The following CEMIP variants were observed in gnomAD, a reference collection of about 807,000 sequenced individuals.
CEMIP encodes cell migration-inducing and hyaluronan-binding protein.
Under a neutral mutation model 156.9 loss-of-function variants are expected in CEMIP, and 105 were observed. That is an observed-to-expected ratio of 0.67 (90% CI 0.57 to 0.79). CEMIP has a LOEUF of 0.79. Ranked by LOEUF, CEMIP falls within the 30% of genes least tolerant of loss-of-function variation. The pLI, the probability that CEMIP is intolerant of heterozygous loss-of-function variation, is 0.00. For missense variants in CEMIP, 1,457 were observed against 1,769.4 expected (o/e 0.82, Z 3.17); for synonymous variants, 676 against 668.4 (o/e 1.01, Z -0.17).
At chr15:80,909,467 A>C in intron 14 of CEMIP, 161 bp downstream of exon 14, 1 of 743,704 alleles carries the variant, frequency 1.3e-6, no homozygotes, top group Non-Finnish European at 2.4e-6. Flanking sequence ...TCACCAACCA[A>C]ACAGGAAGGA....
At chr15:80,905,840 A>T (rs1421189420) in intron 12 of CEMIP, among the ~76,000 whole-genome samples, 1 of 151,998 alleles carries the variant, frequency 6.6e-6, no homozygotes, top group Non-Finnish European at 1.5e-5. Context: ...AAGTCGGGAG[A>T]GCATCCTCTC....
At position 80,878,867 on chromosome 15, in the gene CEMIP, GGTAAGC is replaced by G; in HGVS notation, c.241+1_241+6del. Reference sequence around the variant, plus strand: ...CTATTCCATCCACATCTCAGAGGGAGGTAAGCCAATCTCTCTCTGCTGCTCCCTCTT... The same window carrying G: ...CTATTCCATCCACATCTCAGAGGGAGCAATCTCTCTCTGCTGCTCCCTCTT... On this transcript the variant is annotated splice_donor_variant and splice_donor_5th_base_variant and intron_variant, in intron 4 of 29. Transcript: ENST00000394685. LOFTEE classifies it high-confidence loss of function. The G allele has an allele frequency of 6.2e-7, 1 of 1,614,176 alleles. No homozygotes were observed. The highest frequency in any genetic ancestry group is 8.5e-7 in the Non-Finnish European group (1 of 1,180,026).
At chr15:80,884,467 AC>A in intron 7 of CEMIP, 113 bp downstream of exon 7, 1 of 1,095,114 alleles carries the variant, frequency 9.1e-7, no homozygotes, top group South Asian at 1.3e-5. Context: ...ATCCTAAATG[AC>A]CTAGTGGATG....
Position 80,793,746 on chromosome 15 carries a change from C to G in CEMIP, c.-176+14132C>G, listed in dbSNP as rs1255369092. Among the ~76,000 whole-genome samples the G allele has an allele frequency of 2.0e-5, 3 of 152,168 alleles. No individual in the cohort carries two copies. In the East Asian group the frequency reaches 5.8e-4, roughly 29 times the overall value. The stretch of plus-strand genomic sequence containing the variant: ...GAGAGGTGCATAGTGTATAGTATCT[C>G]CCAGACGTGTTGGTCTAGGGAATTC... On this transcript the variant is annotated intron_variant, in intron 1 of 29. Coordinates refer to ENST00000394685, the MANE Select transcript of CEMIP (RefSeq NM_001293298.2).
At chr15:80,930,831 T>C (rs1435486120) in intron 21 of CEMIP, among the ~76,000 whole-genome samples, 1 of 152,198 alleles carries the variant, frequency 6.6e-6, no homozygotes, top group Non-Finnish European at 1.5e-5. Flanking sequence ...TTTCCATCTT[T>C]CTATTTTTTC....
At chr15:80,866,139 A>C (rs1898119709) in intron 1 of CEMIP, among the ~76,000 whole-genome samples, 1 of 152,188 alleles carries the variant, frequency 6.6e-6, no homozygotes, top group African/African-American at 2.4e-5. Flanking sequence ...GCACAGCAGG[A>C]TCAAATGGGA....
chr15:80,934,823 C>T (rs1901055571), intron 23 of CEMIP, among the ~76,000 whole-genome samples: 1 of 152,122 alleles, frequency 6.6e-6, no homozygotes, highest in Non-Finnish European at 1.5e-5. Context: ...GAAGACAGGG[C>T]AGAGGGCAGG....
Position 80,923,087 on chromosome 15 carries a change from T to C in CEMIP, c.2202+950T>C, listed in dbSNP as rs191073589. Among the ~76,000 whole-genome samples the C allele has an allele frequency of 2.2e-3, 341 of 152,206 alleles. 2 individuals carry two copies. Among genetic ancestry groups the C allele is most frequent in the Non-Finnish European group, 4.0e-3 (271 of 68,004 alleles). ...AAAAGGAAGAGATGCAGTCTCAGAA[T>C]AGACCTGTGCTTATGCCTAGGAGAT... is the stretch of plus-strand genomic sequence containing the variant. On this transcript the variant is annotated intron_variant, in intron 17 of 29. Transcript: ENST00000394685.
At chr15:80,836,454 T>C (rs1897271762) in intron 1 of CEMIP, among the ~76,000 whole-genome samples, 2 of 152,232 alleles carry the variant, frequency 1.3e-5, no homozygotes, top group African/African-American at 4.8e-5. Context: ...AATGCATTCA[T>C]GAACATGGCA....
chr15:80,872,811 C>T (rs1001762720), intron 1 of CEMIP, among the ~76,000 whole-genome samples: 19 of 152,136 alleles, frequency 1.2e-4, no homozygotes, highest in African/African-American at 4.6e-4. Context: ...AAGACTCTGT[C>T]TTAATAAAAT....
intron 1 of CEMIP, among the ~76,000 whole-genome samples, chr15:80,869,163 C>T (rs1898207353): frequency 1.3e-5 from 2 of 152,144 alleles, no homozygotes; most frequent in Admixed American, 6.6e-5. Flanking sequence ...ATCTTAGTCT[C>T]CTCTTCTTAT....
At chr15:80,810,439 C>A (rs980667800) in intron 1 of CEMIP, among the ~76,000 whole-genome samples, 1 of 152,222 alleles carries the variant, frequency 6.6e-6, no homozygotes, top group African/African-American at 2.4e-5. Context: ...GCAATCTCAG[C>A]TCACTGCAAG....
At chr15:80,810,523 G>A (rs1896638993) in intron 1 of CEMIP, among the ~76,000 whole-genome samples, 1 of 152,078 alleles carries the variant, frequency 6.6e-6, no homozygotes, top group Non-Finnish European at 1.5e-5. Flanking sequence ...GCCCTCCACT[G>A]CGGCCAGCTA....
At chr15:80,841,125 G>A (rs1897404772) in intron 1 of CEMIP, among the ~76,000 whole-genome samples, 1 of 152,208 alleles carries the variant, frequency 6.6e-6, no homozygotes, top group Non-Finnish European at 1.5e-5. Context: ...GCTGATGGCT[G>A]CCATGTGGGA....
chr15:80,861,198 A>G (rs766483706), intron 1 of CEMIP, among the ~76,000 whole-genome samples: 2 of 148,154 alleles, frequency 1.3e-5, no homozygotes, highest in East Asian at 1.9e-4. Flanking sequence ...ACACGGATTG[A>G]TTAATTAAAT....
Position 80,937,855 on chromosome 15 carries a change from G to A in CEMIP, c.3283G>A (p.Asp1095Asn). The A allele has an allele frequency of 1.2e-6, 2 of 1,614,240 alleles. No individual in the cohort carries two copies. Among genetic ancestry groups the A allele is most frequent in the Non-Finnish European group, 1.7e-6 (2 of 1,180,028 alleles). ...PRGTTFSILS[D>N]VHNRLLKQTS... is the part of the protein sequence containing the mutation. ...AGGCACCACATTCTCCATCCTCTCG[G>A]ATGTTCACAATCGCCTGCTGAAGCA... Residue 1095 changes from aspartate (D) to asparagine (N), a missense_variant, in exon 25 of 30, where the codon GAT becomes AAT. Asp to Asn is a conservative substitution (Grantham distance 23). Transcript: ENST00000394685.
chr15:80,945,691 C>G (rs1263889303), intron 28 of CEMIP, among the ~76,000 whole-genome samples: 3 of 152,180 alleles, frequency 2.0e-5, no homozygotes, highest in Non-Finnish European at 4.4e-5. Flanking sequence ...GTTCCAGAAT[C>G]CTATACAGTT....
At chr15:80,927,705 G>A (rs572266586) in intron 19 of CEMIP, among the ~76,000 whole-genome samples, 1 of 152,182 alleles carries the variant, frequency 6.6e-6, no homozygotes, top group South Asian at 2.1e-4. Flanking sequence ...GTGCAATCGG[G>A]GCTGACAGAA....
rs770682533 is a variant in CEMIP, at chr15:80,942,348, C to T, written c.3699+11C>T. On this transcript the variant is annotated intron_variant, in intron 27 of 29. Coordinates refer to ENST00000394685, the MANE Select transcript of CEMIP (RefSeq NM_001293298.2). ...TTCGCTTACATTGAAGTAAGTGCCT[C>T]TGGCCCCTGGAGGATTCGGGTTTGC... 2 of 1,609,766 alleles carry T rather than the reference C, an allele frequency of 1.2e-6. No homozygotes were observed. Among genetic ancestry groups the T allele is most frequent in the South Asian group, 1.1e-5 (1 of 91,000 alleles).
Sources: gnomAD v4.1 joint callset for allele counts (sites outside exome capture counted in the v4.1 genomes callset) on GRCh38, gnomAD v4.1.1 for gene constraint, MANE v1.5 for transcripts, NCBI Gene and HGNC (gene_info 2026-07-23, HGNC 2026-07-21) for gene names.